Variants in UBL7 observed in about 807,000 individuals in gnomAD.
UBL7 encodes the protein ubiquitin like 7.
In UBL7, 21 loss-of-function variants were observed where a neutral mutation model predicts 41.7. That is an observed-to-expected ratio of 0.50 (90% confidence interval 0.36 to 0.73). The LOEUF (loss-of-function observed/expected upper bound fraction) is 0.73. Among genes scored for constraint, UBL7 ranks in the 30% least tolerant of loss-of-function variants. The pLI is 0.00. For missense variants in UBL7, 403 were observed against 478.4 expected (o/e 0.84, Z 1.47); for synonymous variants, 157 against 186.9 (o/e 0.84, Z 1.31).
intron 9 of UBL7, 21 bp from the exon 10 acceptor site, chr15:74,448,621 AG>A: frequency 6.2e-7 from 1 of 1,613,328 alleles, no homozygotes; most frequent in Non-Finnish European, 8.5e-7. Flanking sequence ...ATTAGTGGTC[AG>A]TGCCACCCTC....
At chr15:74,460,658 G>A in intron 1 of UBL7, 1 of 1,275,660 alleles carries the variant, frequency 7.8e-7, no homozygotes, top group South Asian at 1.3e-5. Flanking sequence ...CTTCATCCTT[G>A]TCCCCATACC....
chr15:74,450,546 T>G (rs369311291), intron 6 of UBL7, among the ~76,000 whole-genome samples: 14 of 152,194 alleles, frequency 9.2e-5, no homozygotes, highest in African/African-American at 3.4e-4. Flanking sequence ...AAAAGCTCCC[T>G]AATTTCTACC....
chr15:74,459,027 G>A, intron 1 of UBL7, 131 bp from the exon 2 acceptor site: 3 of 809,822 alleles, frequency 3.7e-6, no homozygotes, highest in Non-Finnish European at 5.7e-6. Context: ...ACCATCAGGA[G>A]GCCAGAACTA....
In UBL7 at chr15:74,445,995, A is replaced by G. The variant is rs990360771; in HGVS notation, c.*95T>C. 1.1e-5 allele frequency: 16 copies of G among 1,483,372 alleles called. No homozygotes were observed. Among genetic ancestry groups the G allele is most frequent in the Middle Eastern group, 2.4e-4 (1 of 4,232 alleles). 91.9% of individuals were successfully genotyped at this position (1,483,372 alleles called of 1,614,324 possible). A position where few individuals can be genotyped will look rare whatever the true frequency, so the allele number is the denominator to read the frequency against. On this transcript the variant is annotated 3_prime_UTR_variant, in exon 11 of 11. Transcript: ENST00000395081. ...AAAGCAGGAGAGTTGACCATCAGGT[A>G]TATTGGGGAAGGGAGAGATGGAGGC... is the stretch of plus-strand genomic sequence containing the variant.
chr15:74,454,041 A>C (rs1166051056), intron 3 of UBL7, among the ~76,000 whole-genome samples: 1 of 152,230 alleles, frequency 6.6e-6, no homozygotes, highest in Non-Finnish European at 1.5e-5. Flanking sequence ...GAACGCAGCC[A>C]GCCCAGTGGA....
chr15:74,460,929 C>T (rs1002732499), intron 1 of UBL7, 108 bp downstream of exon 1: 1 of 1,149,720 alleles, frequency 8.7e-7, no homozygotes, highest in East Asian at 6.8e-5. Context: ...CTAAGGCAGG[C>T]ATTAGCCACA....
At position 74,447,808 on chromosome 15, in the gene UBL7, G is replaced by A. The variant is rs560485049; in HGVS notation, c.1005+670C>T. Among the ~76,000 whole-genome samples the A allele has an allele frequency of 5.3e-5, 8 of 152,224 alleles. No homozygotes were observed. The South Asian group carries it at 1.7e-3, about 32-fold the overall frequency. ...GCAGGTTGGCATGCAAGCCCCTCTC[G>A]TAGGCTCCTGCTCTTTCTCTGGCCC... On this transcript the variant is annotated intron_variant, in intron 10 of 10. Transcript: ENST00000395081.
intron 1 of UBL7, chr15:74,460,531 CCT>C (rs138768138): frequency 0.012 from 5,486 of 453,834 alleles, 250 homozygotes; most frequent in African/African-American, 0.1. Context: ...ACCTCAGTCC[CCT>C]CTCTTTCCTC....
chr15:74,459,029 C>G, intron 1 of UBL7, 133 bp from the exon 2 acceptor site: 1 of 793,600 alleles, frequency 1.3e-6, no homozygotes, highest in South Asian at 1.8e-5. Context: ...CATCAGGAGG[C>G]CAGAACTAGA....
At chr15:74,450,167 C>A in intron 6 of UBL7, 98 bp from the exon 7 acceptor site, 2 of 1,357,394 alleles carry the variant, frequency 1.5e-6, no homozygotes, top group Non-Finnish European at 2.0e-6. Flanking sequence ...ATGCAGCCAC[C>A]TGTGCCTGCT....
At chr15:74,457,903 T>C (rs1194877556) in intron 2 of UBL7, among the ~76,000 whole-genome samples, 1 of 152,156 alleles carries the variant, frequency 6.6e-6, no homozygotes, top group Non-Finnish European at 1.5e-5. Context: ...TTGGATCCTT[T>C]AGCTATTAAA....
At chr15:74,459,895 T>C (rs2061331853) in intron 1 of UBL7, among the ~76,000 whole-genome samples, 1 of 122,714 alleles carries the variant, frequency 8.1e-6, no homozygotes, top group South Asian at 2.7e-4. Flanking sequence ...ATCACGTCAC[T>C]GCACTCCAGC....
chr15:74,451,317 C>T, intron 5 of UBL7, 119 bp downstream of exon 5: 1 of 920,812 alleles, frequency 1.1e-6, no homozygotes, highest in Non-Finnish European at 1.7e-6. Context: ...TACTCTCCCT[C>T]TTCCCACAAG....
rs1048248519 is a variant in UBL7, at chr15:74,446,245, T to C, written c.1006-18A>G. The C allele has an allele frequency of 3.1e-6, 5 of 1,613,356 alleles. No individual in the cohort carries two copies. The highest frequency in any genetic ancestry group is 4.2e-6 in the Non-Finnish European group (5 of 1,179,760). ...CACTGGCTCTGTGGAAAGATAGGAA[T>C]GGGCAGAAGCTGTTAGCTGGGATCC... On this transcript the variant is annotated intron_variant, in intron 10 of 10. Transcript: ENST00000395081. This position sits in a 1 kb window ranked among gnomAD's most constrained non-coding sequence, Gnocchi z 4.1.
chr15:74,449,207 G>T lies in UBL7; in HGVS notation c.861C>A (p.His287Gln). Residue 287 changes from histidine (H) to glutamine (Q), a missense_variant, in exon 9 of 11, where the codon CAC becomes CAA. His to Gln is a conservative substitution (Grantham distance 24). Coordinates refer to ENST00000395081, the MANE Select transcript of UBL7 (RefSeq NM_032907.5). ...ATACCTGGGTGCCAGGAGTCGGTGT[G>T]TGAGAGCTGCTCTCCGGAGTGCTGG... The part of the protein sequence containing the change: ...ALASTPESSS[H>Q]TPTPGTQGHS... 1.3e-6 allele frequency: 2 copies of T among 1,572,902 alleles called. No homozygotes were observed. Among genetic ancestry groups the T allele is most frequent in the Non-Finnish European group, 1.7e-6 (2 of 1,163,012 alleles).
At chr15:74,452,427 T>C in intron 3 of UBL7, 49 bp from the exon 4 acceptor site, 17 of 1,529,394 alleles carry the variant, frequency 1.1e-5, no homozygotes, top group Non-Finnish European at 1.5e-5. Context: ...GTCCTGTCTC[T>C]GCCACAGACA....
rs1159597980 is a variant in UBL7 at position 74,461,109 on chromosome 15, C to G, written c.-102G>C. Reference sequence around the variant, plus strand: ...TGCCCAGGGCCCCAGCGCCCTCACCCGTCCCGCGGAAGGAACCCGGCCGCA... The same window carrying G: ...TGCCCAGGGCCCCAGCGCCCTCACCGGTCCCGCGGAAGGAACCCGGCCGCA... On this transcript the variant is annotated 5_prime_UTR_variant, in exon 1 of 11. Transcript: ENST00000395081. The G allele has an allele frequency of 1.0e-6, 1 of 998,160 alleles. No individual in the cohort carries two copies. Among genetic ancestry groups the G allele is most frequent in the Non-Finnish European group, 1.2e-6 (1 of 836,378 alleles). The allele number at this position is 998,160 out of a possible 1,614,324, so 61.8% of individuals were successfully genotyped here. A position where few individuals can be genotyped will look rare whatever the true frequency, so the allele number is the denominator to read the frequency against.
intron 10 of UBL7, among the ~76,000 whole-genome samples, chr15:74,447,542 C>T (rs1337971785): frequency 2.0e-5 from 3 of 152,026 alleles, no homozygotes; most frequent in Non-Finnish European, 4.4e-5. Flanking sequence ...CCCATCTCTA[C>T]AAAAAATACA....
At chr15:74,456,268 C>A (rs2061293428) in intron 3 of UBL7, among the ~76,000 whole-genome samples, 1 of 152,150 alleles carries the variant, frequency 6.6e-6, no homozygotes, top group Admixed American at 6.5e-5. Flanking sequence ...TGTGCCACTG[C>A]ACTCCAGCCT....
Sources: gnomAD v4.1 joint callset for allele counts (sites outside exome capture counted in the v4.1 genomes callset) on GRCh38, gnomAD v4.1.1 for gene constraint, Gnocchi (gnomAD v3.1) non-coding constraint, MANE v1.5 for transcripts, NCBI Gene and HGNC (gene_info 2026-07-23, HGNC 2026-07-21) for gene names.